Variants in PIAS4 observed in about 807,000 individuals in gnomAD.
PIAS4 encodes the protein E3 SUMO-protein ligase PIAS4.
In PIAS4, 7 loss-of-function variants were observed where a neutral mutation model predicts 58.0. The ratio of observed to expected loss-of-function variants is 0.12; its 90% CI spans 0.07 to 0.23. PIAS4 has a LOEUF of 0.23. Among genes scored for constraint, PIAS4 ranks in the 10% least tolerant of loss-of-function variants. The probability of loss-of-function intolerance (pLI) is 1.00; values close to 1 mark genes in which losing one functional copy is unlikely to be tolerated. For synonymous variants in PIAS4, 364 were observed against 312.4 expected, an observed-to-expected ratio of 1.17 and a Z score of -1.74; for missense variants, 550 against 709.5, an observed-to-expected ratio of 0.78 and a Z score of 2.55.
chr19:4,011,434 C>T (rs947784037), intron 1 of PIAS4, among the ~76,000 whole-genome samples: 5 of 152,246 alleles, frequency 3.3e-5, no homozygotes, highest in African/African-American at 1.2e-4. Context: ...AGGCCACTGC[C>T]AGTCTACCCC....
At chr19:4,029,248 G>A (rs545524003) in intron 7 of PIAS4, among the ~76,000 whole-genome samples, 16 of 152,324 alleles carry the variant, frequency 1.1e-4, no homozygotes, top group African/African-American at 2.9e-4. Context: ...GCTGCTGTGC[G>A]GAGGCCTGTG....
chr19:4,011,074 G>A (rs1398639088), intron 1 of PIAS4, among the ~76,000 whole-genome samples: 2 of 152,238 alleles, frequency 1.3e-5, no homozygotes, highest in African/African-American at 2.4e-5. Flanking sequence ...CCCTGGGGCA[G>A]CCAGGAGCCG....
intron 7 of PIAS4, 136 bp downstream of exon 7, chr19:4,029,172 C>A (rs2040198829): frequency 4.6e-6 from 3 of 653,492 alleles, no homozygotes; most frequent in Non-Finnish European, 8.0e-6. Context: ...GGTCCATGGC[C>A]CCCCGGCTGT....
Position 4,028,136 on chromosome 19 carries a change from A to G in PIAS4, c.540-10A>G. On this transcript the variant is annotated splice_polypyrimidine_tract_variant and intron_variant, in intron 3 of 10. Transcript: ENST00000262971. ...CCTTTCCTTTCCTCTGGTTTGCTCC[A>G]CACCCACAGGGAACTGCAGCCCGGA... 1 of 1,613,394 alleles carries G rather than the reference A, an allele frequency of 6.2e-7. No individual in the cohort carries two copies. Among genetic ancestry groups the G allele is most frequent in the Non-Finnish European group, 8.5e-7 (1 of 1,179,842 alleles).
In PIAS4 at chr19:4,036,286, TCA is replaced by T. The variant is rs138200001; in HGVS notation, c.1143-1075_1143-1074del. Among the ~76,000 whole-genome samples, 48 of 100,106 alleles carry T rather than the reference TCA, an allele frequency of 4.8e-4. 9 individuals are homozygous for T. In the South Asian group the frequency reaches 0.012, roughly 25 times the overall value. 65.7% of individuals were successfully genotyped at this position (100,106 alleles called of 152,430 possible). A position where few individuals can be genotyped will look rare whatever the true frequency, so the allele number is the denominator to read the frequency against. On this transcript the variant is annotated intron_variant, in intron 9 of 10. Transcript: ENST00000262971. ...ACACACATCTATATGGTCTACACCG[TCA>T]CACACACACACATCTATACAGTCCA...
chr19:4,027,439 C>T (rs1342932275), intron 3 of PIAS4, among the ~76,000 whole-genome samples: 1 of 152,174 alleles, frequency 6.6e-6, no homozygotes, highest in Non-Finnish European at 1.5e-5. Flanking sequence ...CAGGATGCTG[C>T]TAGTTTGTGG....
chr19:4,036,655 C>A (rs1255828606), intron 9 of PIAS4, among the ~76,000 whole-genome samples: 1 of 150,148 alleles, frequency 6.7e-6, no homozygotes, highest in Non-Finnish European at 1.5e-5. Flanking sequence ...CTGTCATACA[C>A]ACACATCTAT....
At chr19:4,015,879 G>A (rs1019853093) in intron 2 of PIAS4, among the ~76,000 whole-genome samples, 4 of 152,226 alleles carry the variant, frequency 2.6e-5, no homozygotes, top group East Asian at 1.9e-4. Flanking sequence ...TAAATCACGC[G>A]GTGCGGAATG....
Position 4,029,168 on chromosome 19 carries a change from T to C in PIAS4, c.907+132T>C, listed in dbSNP as rs952905244. ...GGCCGCCTGTCACTCTGGGGGTCCA[T>C]GGCCCCCCGGCTGTGGCTGGGGAGG... is the stretch of plus-strand genomic sequence containing the variant. On this transcript the variant is annotated intron_variant, in intron 7 of 10. Transcript: ENST00000262971. The C allele has an allele frequency of 2.3e-5, 15 of 661,766 alleles. No homozygotes were observed. In the African/African-American group the frequency reaches 2.7e-4, roughly 12 times the overall value. The allele number at this position is 661,766 out of a possible 1,614,324, so 41.0% of individuals were successfully genotyped here.
At chr19:4,032,022 C>T (rs1029568846) in intron 7 of PIAS4, among the ~76,000 whole-genome samples, 1 of 152,248 alleles carries the variant, frequency 6.6e-6, no homozygotes, top group East Asian at 1.9e-4. Context: ...GGAGCCAGCA[C>T]GTGGCTGCCA....
At chr19:4,033,221 CT>C in intron 8 of PIAS4, 48 bp downstream of exon 8, 2 of 1,558,382 alleles carry the variant, frequency 1.3e-6, no homozygotes, top group Admixed American at 3.4e-5. Context: ...TGCGGCCGGC[CT>C]TCCCCCCTGG....
At chr19:4,017,526 T>A (rs2040064400) in intron 2 of PIAS4, among the ~76,000 whole-genome samples, 1 of 152,044 alleles carries the variant, frequency 6.6e-6, no homozygotes. Context: ...ACTCTTGATC[T>A]GGGGGACCTG....
chr19:4,007,896 C>T (rs559983615), intron 1 of PIAS4, 109 bp downstream of exon 1: 322 of 805,228 alleles, frequency 4.0e-4, no homozygotes, highest in African/African-American at 2.9e-3. Context: ...CGCGGCCGGC[C>T]CGCGGCTCGC....
At chr19:4,030,066 C>A (rs1296678613) in intron 7 of PIAS4, among the ~76,000 whole-genome samples, 1 of 151,686 alleles carries the variant, frequency 6.6e-6, no homozygotes, top group African/African-American at 2.4e-5. Flanking sequence ...TCGTGATCCG[C>A]TTGCCTCGGC....
At chr19:4,029,139 CA>C (rs2040198444) in intron 7 of PIAS4, 103 bp downstream of exon 7, 5 of 784,496 alleles carry the variant, frequency 6.4e-6, no homozygotes, top group East Asian at 2.7e-5. Context: ...GGAGATCGAT[CA>C]GGGGCCGCCT....
At chr19:4,021,238 C>T (rs1026445986) in intron 2 of PIAS4, among the ~76,000 whole-genome samples, 5 of 152,120 alleles carry the variant, frequency 3.3e-5, no homozygotes, top group African/African-American at 9.7e-5. Context: ...CTGCAACCTC[C>T]GCCTTCTGGG....
At chr19:4,014,802 G>A (rs984392835) in intron 2 of PIAS4, among the ~76,000 whole-genome samples, 1 of 152,250 alleles carries the variant, frequency 6.6e-6, no homozygotes, top group Admixed American at 6.5e-5. Context: ...CCCTGCCCAG[G>A]GAGGCAGCGT....
intron 2 of PIAS4, among the ~76,000 whole-genome samples, chr19:4,020,209 C>T (rs2040095400): frequency 6.6e-6 from 1 of 152,216 alleles, no homozygotes; most frequent in African/African-American, 2.4e-5. Flanking sequence ...AGCCACTGCA[C>T]CCGGCTTCTC....
chr19:4,012,301 C>G (rs2040003961), intron 1 of PIAS4, among the ~76,000 whole-genome samples: 1 of 152,048 alleles, frequency 6.6e-6, no homozygotes, highest in Non-Finnish European at 1.5e-5. Flanking sequence ...GCTGCCACCT[C>G]TGAGCCGACA....
Sources: gnomAD v4.1 joint callset for allele counts (sites outside exome capture counted in the v4.1 genomes callset) on GRCh38, gnomAD v4.1.1 for gene constraint, MANE v1.5 for transcripts, NCBI Gene and HGNC (gene_info 2026-07-23, HGNC 2026-07-21) for gene names.